Variants in SRR observed in about 807,000 individuals in gnomAD.
SRR encodes serine racemase.
Under a neutral mutation model 32.7 loss-of-function variants are expected in SRR, and 19 were observed. The observed-to-expected ratio is 0.58, with a 90% confidence interval of 0.40 to 0.85. SRR has a LOEUF of 0.85. Among genes scored for constraint, SRR ranks in the 40% least tolerant of loss-of-function variants. SRR has a pLI of 0.00. For missense variants in SRR, 373 were observed against 404.7 expected, an observed-to-expected ratio of 0.92 and a Z score of 0.67; for synonymous variants, 142 against 140.9, an observed-to-expected ratio of 1.01 and a Z score of -0.06.
intron 1 of SRR, among the ~76,000 whole-genome samples, chr17:2,311,378 G>C (rs138422262): frequency 0.015 from 2,287 of 151,664 alleles, 52 homozygotes; most frequent in South Asian, 0.057. Context: ...GCTCACGCCT[G>C]TAATCCCAGC....
Position 2,325,123 on chromosome 17 carries a change from TC to T in SRR, c.*1251del. On this transcript the variant is annotated 3_prime_UTR_variant, in exon 8 of 8. Coordinates refer to ENST00000344595, the MANE Select transcript of SRR (RefSeq NM_021947.3). ...ATTTGAGGACTGGCTATACACTGTT[TC>T]ACGTAAAAGTTGGAGTTTTCATTGT... is the stretch of plus-strand genomic sequence containing the variant. 1 of 605,594 alleles carries T rather than the reference TC, an allele frequency of 1.7e-6. No homozygotes were observed. 37.5% of individuals were successfully genotyped at this position (605,594 alleles called of 1,614,324 possible).
intron 7 of SRR, 47 bp downstream of exon 7, chr17:2,323,392 T>G (rs745512745): frequency 6.2e-7 from 1 of 1,608,280 alleles, no homozygotes; most frequent in Non-Finnish European, 8.5e-7. Context: ...GTGTAACTTC[T>G]TAGGCAGAAG....
At chr17:2,303,670 C>T (rs1464900181), upstream of SRR, 2 of 1,493,946 alleles carry the variant, frequency 1.3e-6, no homozygotes, top group Non-Finnish European at 1.8e-6. Context: ...TAGCCAGGAT[C>T]CCGCGCAGCT....
rs1460661629 is a variant in SRR, at chr17:2,324,000, GT to G, written c.*135del. 76 of 1,148,790 alleles carry G rather than the reference GT, an allele frequency of 6.6e-5. No individual in the cohort carries two copies. The highest frequency in any genetic ancestry group is 7.5e-5 in the Non-Finnish European group (62 of 821,820). 71.2% of individuals were successfully genotyped at this position (1,148,790 alleles called of 1,614,324 possible). ...GTGGCTATTTCATTAAGATTTAATA[GT>G]TTTTTTTGGACTAAGTAGTGGAAAA... On this transcript the variant is annotated 3_prime_UTR_variant, in exon 8 of 8. Transcript: ENST00000344595.
intron 1 of SRR, among the ~76,000 whole-genome samples, chr17:2,311,152 G>C (rs2075431100): frequency 6.6e-6 from 1 of 151,784 alleles, no homozygotes. Flanking sequence ...GCCTCCAAAA[G>C]TGCTGGGATT....
chr17:2,316,373 A>C (rs778097146), intron 2 of SRR, among the ~76,000 whole-genome samples: 19 of 152,216 alleles, frequency 1.2e-4, no homozygotes, highest in Non-Finnish European at 2.4e-4. Flanking sequence ...GACATAATTT[A>C]TTATCCAAAC....
chr17:2,317,002 A>G lies in SRR; in HGVS notation c.169-868A>G, dbSNP rs972453985. ...CTCCCAAAGTGCTGGGATTACTGGC[A>G]TGAGTCACCGCACCCAGCCTTGGTG... On this transcript the variant is annotated intron_variant, in intron 2 of 7. Transcript: ENST00000344595. Among the ~76,000 whole-genome samples the G allele has an allele frequency of 4.7e-5, 7 of 148,916 alleles. No homozygotes were observed. In the South Asian group the frequency reaches 8.7e-4, roughly 19 times the overall value.
chr17:2,307,424 T>C, intron 1 of SRR: 1 of 1,277,568 alleles, frequency 7.8e-7, no homozygotes. Context: ...GAAGGAAATT[T>C]CAGTGGTCAT....
chr17:2,307,620 T>C lies in SRR; in HGVS notation c.-5+3603T>C, dbSNP rs547414655. On this transcript the variant is annotated intron_variant, in intron 1 of 7. Coordinates refer to ENST00000344595, the MANE Select transcript of SRR (RefSeq NM_021947.3). ...CTTTGGAGGCAGAAGCTCTGGCCCC[T>C]ATGGTGGTGCAGGCCAATACTTTAC... The C allele has an allele frequency of 9.5e-5, 90 of 951,438 alleles. No homozygotes were observed. In the African/African-American group the frequency reaches 1.4e-3, roughly 14 times the overall value. The allele number at this position is 951,438 out of a possible 1,614,324, so 58.9% of individuals were successfully genotyped here.
Position 2,324,304 on chromosome 17 carries a change from C to T in SRR, c.*431C>T. On this transcript the variant is annotated 3_prime_UTR_variant, in exon 8 of 8. Coordinates refer to ENST00000344595, the MANE Select transcript of SRR (RefSeq NM_021947.3). ...TCCATTTGGGGAAGACTCGTTTATA[C>T]AGGTTCATCAGTACTGTGTCTTGAG... 2 of 1,562,360 alleles carry T rather than the reference C, an allele frequency of 1.3e-6. No individual in the cohort carries two copies. The highest frequency in any genetic ancestry group is 4.5e-5 in the East Asian group (2 of 44,612).
At chr17:2,316,953 A>T (rs1597264527) in intron 2 of SRR, among the ~76,000 whole-genome samples, 1 of 138,856 alleles carries the variant, frequency 7.2e-6, no homozygotes, top group Non-Finnish European at 1.5e-5. Context: ...TCTTGATCTG[A>T]CCTTGTGATC....
intron 1 of SRR, chr17:2,306,841 G>A (rs1213389787): frequency 4.9e-6 from 4 of 812,454 alleles, no homozygotes; most frequent in Non-Finnish European, 8.5e-6. Flanking sequence ...AACAACCAAT[G>A]AGAGCCTGAG....
At chr17:2,319,237 TG>T (rs2075504153) in intron 4 of SRR, among the ~76,000 whole-genome samples, 1 of 152,216 alleles carries the variant, frequency 6.6e-6, no homozygotes, top group African/African-American at 2.4e-5. Flanking sequence ...ACCAAACTCC[TG>T]ATCTTACTTC....
intron 1 of SRR, chr17:2,307,041 T>C (rs1567773026): frequency 1.1e-5 from 15 of 1,334,076 alleles, no homozygotes; most frequent in Non-Finnish European, 1.6e-5. Context: ...CAAGAGAAGA[T>C]TCTCAAAGAC....
intron 1 of SRR, among the ~76,000 whole-genome samples, chr17:2,310,817 G>A (rs893762616): frequency 6.6e-6 from 1 of 152,036 alleles, no homozygotes; most frequent in African/African-American, 2.4e-5. Flanking sequence ...CATGATCTTG[G>A]CTCACTGCAA....
chr17:2,317,118 G>T (rs1244138972), intron 2 of SRR, among the ~76,000 whole-genome samples: 1 of 139,318 alleles, frequency 7.2e-6, no homozygotes, highest in Admixed American at 7.8e-5. Flanking sequence ...CAGGAGAATT[G>T]CTTGAACCCA....
chr17:2,313,506 C>T (rs902578428), intron 1 of SRR, among the ~76,000 whole-genome samples: 45 of 151,340 alleles, frequency 3.0e-4, no homozygotes, highest in Admixed American at 8.6e-4. Flanking sequence ...GAGGCCGAGG[C>T]GGGCGGATCA....
chr17:2,306,670 T>A (rs2075392942), intron 1 of SRR: 1 of 426,022 alleles, frequency 2.3e-6, no homozygotes, highest in Non-Finnish European at 4.3e-6. Context: ...TGAGCCGAGA[T>A]CACGCCACTG....
At chr17:2,322,820 T>G in intron 6 of SRR, 1 of 339,672 alleles carries the variant, frequency 2.9e-6, no homozygotes, top group Non-Finnish European at 5.7e-6. Flanking sequence ...CCCACCCCAT[T>G]TTGGTGTGAT....
Sources: gnomAD v4.1 joint callset for allele counts (sites outside exome capture counted in the v4.1 genomes callset) on GRCh38, gnomAD v4.1.1 for gene constraint, MANE v1.5 for transcripts, NCBI Gene and HGNC (gene_info 2026-07-23, HGNC 2026-07-21) for gene names.